The following CCSER2 variants were observed in gnomAD, a reference collection of about 807,000 sequenced individuals.
CCSER2 encodes serine-rich coiled-coil domain-containing protein 2.
In CCSER2, 46 loss-of-function variants were observed where a neutral mutation model predicts 92.3. That is an observed-to-expected ratio of 0.50 (90% CI 0.39 to 0.64). CCSER2 has a LOEUF of 0.64. Among genes scored for constraint, CCSER2 ranks in the 30% least tolerant of loss-of-function variants. The probability of loss-of-function intolerance (pLI) is 0.00; values close to 1 mark genes in which losing one functional copy is unlikely to be tolerated. For synonymous variants in CCSER2, 433 were observed against 431.4 expected, an observed-to-expected ratio of 1.00 and a Z score of -0.04; for missense variants, 1,244 against 1,238.9, an observed-to-expected ratio of 1.00 and a Z score of -0.06.
intron 1 of CCSER2, among the ~76,000 whole-genome samples, chr10:84,329,422 A>G (rs1843438339): frequency 6.6e-6 from 1 of 152,138 alleles, no homozygotes; most frequent in African/African-American, 2.4e-5. Flanking sequence ...GTAATTGCAT[A>G]TTCATCTGTG....
intron 1 of CCSER2, among the ~76,000 whole-genome samples, chr10:84,333,616 G>A (rs1228226053): frequency 6.6e-6 from 1 of 152,232 alleles, no homozygotes; most frequent in East Asian, 1.9e-4. Context: ...CTTTTAGGGA[G>A]ATTGCTCATG....
At chr10:84,472,538 C>T (rs1166299301) in intron 8 of CCSER2, among the ~76,000 whole-genome samples, 2 of 152,070 alleles carry the variant, frequency 1.3e-5, no homozygotes, top group Non-Finnish European at 2.9e-5. Flanking sequence ...TGCCACTGCA[C>T]TTCAGCCTGG....
chr10:84,428,842 CTG>C (rs1183641926), intron 5 of CCSER2, among the ~76,000 whole-genome samples: 1 of 151,826 alleles, frequency 6.6e-6, no homozygotes, highest in Non-Finnish European at 1.5e-5. Flanking sequence ...ATTACTTTTT[CTG>C]TGTCTATGGA....
chr10:84,365,038 G>A (rs566978453), intron 1 of CCSER2, among the ~76,000 whole-genome samples: 38 of 151,618 alleles, frequency 2.5e-4, no homozygotes, highest in Non-Finnish European at 4.4e-4. Context: ...CACCACGCCC[G>A]GCCTGAAAAA....
At chr10:84,504,499 C>G (rs953990379) in intron 9 of CCSER2, among the ~76,000 whole-genome samples, 1 of 152,130 alleles carries the variant, frequency 6.6e-6, no homozygotes, top group South Asian at 2.1e-4. Flanking sequence ...TGCTTATCCT[C>G]GACTGCACTG....
Position 84,371,344 on chromosome 10 carries a change from C to T in CCSER2, c.292C>T (p.Arg98Cys), listed in dbSNP as rs747191997. 9.9e-6 allele frequency: 16 copies of T among 1,613,518 alleles called. No individual in the cohort carries two copies. The highest frequency in any genetic ancestry group is 5.3e-5 in the African/African-American group (4 of 74,880). Residue 98 changes from arginine to cysteine, a missense_variant, in exon 2 of 10, where the codon CGT (arginine) becomes TGT (cysteine). Arg to Cys is a radical substitution (Grantham distance 180). Transcript: ENST00000372088. ...SHDKIIDPEK[R>C]VPTQGMFDKN... is the part of the protein sequence containing the mutation. ...TGATAAAATAATTGATCCTGAAAAA[C>T]GTGTTCCTACTCAAGGAATGTTTGA...
At chr10:84,380,263 TA>T (rs879872291) in intron 3 of CCSER2, among the ~76,000 whole-genome samples, 4 of 152,226 alleles carry the variant, frequency 2.6e-5, no homozygotes, top group Non-Finnish European at 4.4e-5. Context: ...TCACACATTT[TA>T]CTGGCAGTTT....
intron 1 of CCSER2, among the ~76,000 whole-genome samples, chr10:84,344,698 C>T (rs1564582041): frequency 6.6e-6 from 1 of 152,058 alleles, no homozygotes. Context: ...GTAGTGTGCA[C>T]TTTGGTAAGG....
intron 7 of CCSER2, among the ~76,000 whole-genome samples, chr10:84,465,680 T>C (rs1846377426): frequency 6.6e-6 from 1 of 152,074 alleles, no homozygotes; most frequent in South Asian, 2.1e-4. Context: ...ACACAATTGG[T>C]ATCTTTACTC....
rs562287966 is a variant in CCSER2 at position 84,408,640 on chromosome 10, C to T, written c.1615-9131C>T. Among the ~76,000 whole-genome samples, 53 of 152,234 alleles carry T rather than the reference C, an allele frequency of 3.5e-4. 1 individual carries two copies. The South Asian group carries it at 0.011, about 32-fold the overall frequency. On this transcript the variant is annotated intron_variant, in intron 3 of 9. Coordinates refer to ENST00000372088, the MANE Select transcript of CCSER2 (RefSeq NM_001284240.2). ...GTACAGAAAATCACATAAAATGTAG[C>T]ATTTAGTTGGTTATTAAAAGTTTGG...
chr10:84,484,689 C>A (rs1426190577), intron 9 of CCSER2, among the ~76,000 whole-genome samples: 1 of 152,044 alleles, frequency 6.6e-6, no homozygotes, highest in Non-Finnish European at 1.5e-5. Context: ...ATGTTTTACT[C>A]AATATTAGAC....
At chr10:84,347,083 G>A (rs1015574451) in intron 1 of CCSER2, among the ~76,000 whole-genome samples, 1 of 152,136 alleles carries the variant, frequency 6.6e-6, no homozygotes, top group African/African-American at 2.4e-5. Context: ...TGTTTCAGAG[G>A]GCACATGGTT....
At chr10:84,370,565 A>G (rs917057703) in intron 1 of CCSER2, among the ~76,000 whole-genome samples, 14 of 152,058 alleles carry the variant, frequency 9.2e-5, no homozygotes, top group African/African-American at 3.4e-4. Context: ...TGGCAAACAG[A>G]GATAGTTTGA....
At chr10:84,391,985 G>A in intron 3 of CCSER2, 16 of 1,333,200 alleles carry the variant, frequency 1.2e-5, no homozygotes, top group Non-Finnish European at 1.5e-5. Flanking sequence ...AAAATTGGAG[G>A]CATTTCTCTG....
chr10:84,391,613 A>G, intron 3 of CCSER2: 1 of 1,531,540 alleles, frequency 6.5e-7, no homozygotes. Flanking sequence ...GCAGCCTTAT[A>G]TTCCTATGGT....
At position 84,514,222 on chromosome 10, in the gene CCSER2, G is replaced by A. The variant is rs1438199172; in HGVS notation, c.3099G>A (p.Leu1033=). The A allele has an allele frequency of 2.6e-6, 4 of 1,536,352 alleles. No individual in the cohort carries two copies. The highest frequency in any genetic ancestry group is 3.5e-6 in the Non-Finnish European group (4 of 1,146,998). The change falls in exon 10 of 10, where the codon TTG becomes TTA. Residue 1033 remains leucine, a synonymous_variant. Transcript: ENST00000372088. The part of the protein sequence containing the change: ...PNGNLHSGDC[L]ASNRYSRLPK... ...GCAATTTGCATTCTGGGGATTGTTT[G>A]GCCTCTAATCGATATTCTCGTCTTC...
intron 3 of CCSER2, among the ~76,000 whole-genome samples, chr10:84,381,176 A>T (rs1280714890): frequency 6.6e-6 from 1 of 152,214 alleles, no homozygotes; most frequent in African/African-American, 2.4e-5. Flanking sequence ...ACATTAAATG[A>T]GGTCATATAT....
chr10:84,329,647 G>GC (rs149433410), intron 1 of CCSER2, among the ~76,000 whole-genome samples: 5,796 of 152,046 alleles, frequency 0.038, 136 homozygotes, highest in Admixed American at 0.067. Flanking sequence ...TTGGCCAGTT[G>GC]TTTTTTTTAA....
intron 9 of CCSER2, among the ~76,000 whole-genome samples, chr10:84,494,237 C>T (rs562708039): frequency 1.2e-4 from 19 of 152,096 alleles, no homozygotes; most frequent in African/African-American, 2.2e-4. Flanking sequence ...CCAGACATTC[C>T]GATGGCATTT....
Sources: gnomAD v4.1 joint callset for allele counts (sites outside exome capture counted in the v4.1 genomes callset) on GRCh38, gnomAD v4.1.1 for gene constraint, MANE v1.5 for transcripts, NCBI Gene and HGNC (gene_info 2026-07-23, HGNC 2026-07-21) for gene names.